The following SSBP3 variants were observed in gnomAD, a reference collection of about 807,000 sequenced individuals.
The protein encoded by SSBP3 is single stranded DNA binding protein 3.
In SSBP3, 5 loss-of-function variants were observed where a neutral mutation model predicts 69.6. The ratio of observed to expected loss-of-function variants is 0.07; its 90% CI spans 0.04 to 0.15. The LOEUF is 0.15. Ranked by LOEUF, SSBP3 falls within the 10% of genes least tolerant of loss-of-function variation. The pLI, the probability that SSBP3 is intolerant of heterozygous loss-of-function variation, is 1.00. For synonymous variants in SSBP3, 196 were observed against 193.4 expected (o/e 1.01, Z -0.11); for missense variants, 312 against 534.0 (o/e 0.58, Z 4.10).
At chr1:54,313,526 A>G (rs1412803017) in intron 4 of SSBP3, among the ~76,000 whole-genome samples, 3 of 142,548 alleles carry the variant, frequency 2.1e-5, no homozygotes, top group Non-Finnish European at 4.5e-5. Context: ...GGCTCAAACA[A>G]TCTTCCCACC....
At chr1:54,263,255 A>C (rs1645045680) in intron 5 of SSBP3, among the ~76,000 whole-genome samples, 1 of 152,168 alleles carries the variant, frequency 6.6e-6, no homozygotes, top group South Asian at 2.1e-4. Flanking sequence ...AGCATTTCAG[A>C]AGCATCAGCA....
At chr1:54,257,604 C>A (rs1207882766) in intron 6 of SSBP3, among the ~76,000 whole-genome samples, 6 of 152,116 alleles carry the variant, frequency 3.9e-5, no homozygotes, top group Non-Finnish European at 5.9e-5. Flanking sequence ...CACACGCACA[C>A]AGAAACCACC....
chr1:54,346,579 C>T (rs1646694344), intron 4 of SSBP3, among the ~76,000 whole-genome samples: 1 of 152,048 alleles, frequency 6.6e-6, no homozygotes, highest in South Asian at 2.1e-4. Context: ...CTTTGGGAGG[C>T]CAAGGCGGGT....
At chr1:54,389,888 A>AT (rs1157544996) in intron 4 of SSBP3, among the ~76,000 whole-genome samples, 50 of 125,000 alleles carry the variant, frequency 4.0e-4, no homozygotes, top group African/African-American at 1.4e-3. Context: ...CAAAAAAAAA[A>AT]ATTTTTTTTT....
At chr1:54,279,064 T>C (rs1429870485) in intron 5 of SSBP3, among the ~76,000 whole-genome samples, 1 of 152,072 alleles carries the variant, frequency 6.6e-6, no homozygotes, top group Non-Finnish European at 1.5e-5. Flanking sequence ...GCCTAGCCCA[T>C]CCCCCTGCAT....
chr1:54,237,333 G>A (rs760321293), intron 14 of SSBP3: 4 of 152,206 alleles, frequency 2.6e-5, no homozygotes, highest in Non-Finnish European at 4.4e-5. Flanking sequence ...TTGGTTTGCG[G>A]TGCAATCAAG....
chr1:54,342,239 T>G (rs570301000), intron 4 of SSBP3, among the ~76,000 whole-genome samples: 1 of 152,372 alleles, frequency 6.6e-6, no homozygotes, highest in South Asian at 2.1e-4. Flanking sequence ...CCCTTTCCAT[T>G]TTCCAAAGGG....
At chr1:54,278,085 G>C (rs1006148367) in intron 5 of SSBP3, among the ~76,000 whole-genome samples, 10 of 152,186 alleles carry the variant, frequency 6.6e-5, no homozygotes, top group African/African-American at 2.4e-4. Context: ...ACTTGCCCAA[G>C]GTCACTCAGC....
At chr1:54,296,672 T>G (rs1448010986) in intron 4 of SSBP3, among the ~76,000 whole-genome samples, 1 of 152,194 alleles carries the variant, frequency 6.6e-6, no homozygotes, top group Non-Finnish European at 1.5e-5. Flanking sequence ...TCACACGACT[T>G]GTGAGGGTCA....
intron 4 of SSBP3, among the ~76,000 whole-genome samples, chr1:54,355,332 G>A (rs1442572794): frequency 6.6e-6 from 1 of 152,148 alleles, no homozygotes; most frequent in Non-Finnish European, 1.5e-5. Context: ...ATTACAGGGA[G>A]ATCTCCCCCA....
intron 4 of SSBP3, among the ~76,000 whole-genome samples, chr1:54,315,424 C>G (rs1316019239): frequency 6.6e-6 from 1 of 152,128 alleles, no homozygotes; most frequent in African/African-American, 2.4e-5. Flanking sequence ...AGCAGATGGA[C>G]TTGGTGTTTG....
At chr1:54,332,434 C>T (rs1200303586) in intron 4 of SSBP3, among the ~76,000 whole-genome samples, 1 of 152,190 alleles carries the variant, frequency 6.6e-6, no homozygotes, top group African/African-American at 2.4e-5. Flanking sequence ...TAGTCCCAGC[C>T]ACCTTGAATG....
In SSBP3 at chr1:54,251,774, G is replaced by A; in HGVS notation, c.574+20C>T. The A allele has an allele frequency of 6.2e-7, 1 of 1,609,542 alleles. No individual in the cohort carries two copies. On this transcript the variant is annotated intron_variant, in intron 8 of 17. Coordinates refer to ENST00000610401, the Ensembl canonical transcript of SSBP3. The stretch of plus-strand genomic sequence containing the variant: ...CTCCTGGCATCCCCAGCCACCCTAG[G>A]CCCACCCTGCCCTCTCTACCTTGTT...
intron 4 of SSBP3, among the ~76,000 whole-genome samples, chr1:54,311,607 A>C (rs1011652286): frequency 2.6e-5 from 4 of 152,112 alleles, no homozygotes; most frequent in Admixed American, 2.6e-4. Flanking sequence ...ACAGCCCCCA[A>C]GGGTAAGACA....
At chr1:54,245,172 C>G (rs1000890338) in intron 9 of SSBP3, among the ~76,000 whole-genome samples, 14 of 152,242 alleles carry the variant, frequency 9.2e-5, no homozygotes, top group African/African-American at 3.1e-4. Context: ...GGCAAAGGAA[C>G]AGCCAGCATT....
intron 4 of SSBP3, among the ~76,000 whole-genome samples, chr1:54,357,395 T>TG (rs773732982): frequency 2.0e-5 from 3 of 151,914 alleles, no homozygotes; most frequent in African/African-American, 2.4e-5. Flanking sequence ...TAGGTCAATG[T>TG]GGGGGTGGGC....
intron 4 of SSBP3, among the ~76,000 whole-genome samples, chr1:54,389,486 G>A (rs1383475037): frequency 2.0e-5 from 3 of 151,996 alleles, no homozygotes; most frequent in Admixed American, 1.3e-4. Context: ...TCTCCGTCAG[G>A]ACCCACCTGG....
rs146941661 is a variant in SSBP3, at chr1:54,361,715, C to G, written c.276+40146G>C. Among the ~76,000 whole-genome samples, 313 of 152,162 alleles carry G rather than the reference C, an allele frequency of 2.1e-3. 1 individual carries two copies. The highest frequency in any genetic ancestry group is 7.2e-3 in the African/African-American group (299 of 41,502). Reference sequence around the variant, plus strand: ...CCATCAGTGGTATCTATCAACAGAGCATCTACAAGCAGCAGACAGATGTGA... The same window carrying G: ...CCATCAGTGGTATCTATCAACAGAGGATCTACAAGCAGCAGACAGATGTGA... On this transcript the variant is annotated intron_variant, in intron 4 of 17. Coordinates refer to ENST00000610401, the Ensembl canonical transcript of SSBP3.
At chr1:54,405,066 G>T in intron 1 of SSBP3, 136 bp from the exon 2 acceptor site, 1 of 770,654 alleles carries the variant, frequency 1.3e-6, no homozygotes, top group Non-Finnish European at 2.2e-6. Flanking sequence ...TAAGCAGCTA[G>T]CTCACCCCAA....
Sources: gnomAD v4.1 joint callset for allele counts (sites outside exome capture counted in the v4.1 genomes callset) on GRCh38, gnomAD v4.1.1 for gene constraint, MANE v1.5 for transcripts, NCBI Gene and HGNC (gene_info 2026-07-23, HGNC 2026-07-21) for gene names.